SLC25A48: variants seen among roughly 807,000 people sequenced by gnomAD.
SLC25A48 encodes the protein CTC-321K16.1.
SLC25A48 carries 29 observed loss-of-function variants against 32.2 expected under a neutral mutation model. The ratio of observed to expected loss-of-function variants is 0.90; its 90% confidence interval spans 0.67 to 1.23. The LOEUF (loss-of-function observed/expected upper bound fraction) is 1.23, where lower values mean the gene tolerates loss of function less well. Among genes scored for constraint, SLC25A48 ranks in the 50% most tolerant of loss-of-function variants. The pLI is 0.00. For synonymous variants in SLC25A48, 164 were observed against 172.3 expected (o/e 0.95, Z 0.38); for missense variants, 399 against 422.7 (o/e 0.94, Z 0.49).
At chr5:135,734,734 G>A (rs1487066463) in intron 3 of SLC25A48, among the ~76,000 whole-genome samples, 2 of 151,236 alleles carry the variant, frequency 1.3e-5, no homozygotes, top group Non-Finnish European at 1.5e-5. Context: ...GGAGAGTGGC[G>A]TGAACCTGGG....
chr5:135,800,206 C>CT (rs1757287207), intron 3 of SLC25A48, among the ~76,000 whole-genome samples: 1 of 151,674 alleles, frequency 6.6e-6, no homozygotes, highest in Admixed American at 6.6e-5. Context: ...CTATCAATAT[C>CT]ACTGGGAGAG....
intron 1 of SLC25A48, among the ~76,000 whole-genome samples, chr5:135,628,961 A>G (rs1752500316): frequency 6.6e-6 from 1 of 152,208 alleles, no homozygotes; most frequent in African/African-American, 2.4e-5. Flanking sequence ...GAAGACAAGG[A>G]TATATGTCCA....
intron 3 of SLC25A48, among the ~76,000 whole-genome samples, chr5:135,795,762 C>T (rs538119608): frequency 6.8e-4 from 102 of 150,572 alleles, no homozygotes; most frequent in African/African-American, 2.4e-3. Flanking sequence ...GAGAGTGTGA[C>T]TGCTCTCCAT....
At chr5:135,653,846 A>G (rs1261794321) in intron 3 of SLC25A48, 2 of 456,208 alleles carry the variant, frequency 4.4e-6, no homozygotes, top group Non-Finnish European at 8.8e-6. Context: ...TCCAACCTCC[A>G]GGACTGAGTT....
intron 3 of SLC25A48, among the ~76,000 whole-genome samples, chr5:135,730,159 A>T (rs1057159985): frequency 1.3e-5 from 2 of 152,294 alleles, no homozygotes; most frequent in African/African-American, 4.8e-5. Flanking sequence ...TTTCTTTATG[A>T]CTATTCTCTA....
At chr5:135,744,641 T>C (rs1755596110) in intron 3 of SLC25A48, among the ~76,000 whole-genome samples, 1 of 151,898 alleles carries the variant, frequency 6.6e-6, no homozygotes, top group Non-Finnish European at 1.5e-5. Context: ...TTGGCCTGTC[T>C]CCATTTTTGA....
chr5:135,878,879 A>G (rs941108060), intron 6 of SLC25A48, among the ~76,000 whole-genome samples: 3 of 151,888 alleles, frequency 2.0e-5, no homozygotes, highest in Non-Finnish European at 2.9e-5. Context: ...CCTCCCCACA[A>G]TCCCCCTCTC....
chr5:135,682,123 G>T lies in SLC25A48; in HGVS notation c.-521+47167G>T, dbSNP rs191232482. Among the ~76,000 whole-genome samples, 7 of 152,294 alleles carry T rather than the reference G, an allele frequency of 4.6e-5. No individual in the cohort carries two copies. In the East Asian group the frequency reaches 1.4e-3, roughly 29 times the overall value. On this transcript the variant is annotated intron_variant, in intron 3 of 10. Coordinates refer to the SLC25A48 transcript ENST00000646290. ...GCCTCCCAAAATTCTTAACTTAGGA[G>T]AATTTATAGGCTCTGTTTGGATTCC...
intron 3 of SLC25A48, among the ~76,000 whole-genome samples, chr5:135,738,424 G>C (rs940149299): frequency 6.6e-6 from 1 of 152,214 alleles, no homozygotes; most frequent in African/African-American, 2.4e-5. Context: ...CCCTGGGCCC[G>C]TGTTTGCAGC....
intron 4 of SLC25A48, among the ~76,000 whole-genome samples, chr5:135,814,597 C>T (rs1757671024): frequency 6.6e-6 from 1 of 152,162 alleles, no homozygotes; most frequent in Non-Finnish European, 1.5e-5. Context: ...GCTTTTCCTG[C>T]AGAGTAGGGG....
At chr5:135,669,312 A>T (rs1045353566) in intron 3 of SLC25A48, among the ~76,000 whole-genome samples, 1 of 152,104 alleles carries the variant, frequency 6.6e-6, no homozygotes, top group Non-Finnish European at 1.5e-5. Context: ...GTGGGAAAGG[A>T]CACTTCTGGA....
intron 3 of SLC25A48, among the ~76,000 whole-genome samples, chr5:135,645,180 T>G (rs1000837768): frequency 1.3e-5 from 2 of 152,228 alleles, no homozygotes; most frequent in African/African-American, 4.8e-5. Flanking sequence ...TTCCCTTTGG[T>G]TGTTCACTTC....
chr5:135,768,181 T>G (rs1160510641), intron 3 of SLC25A48, among the ~76,000 whole-genome samples: 2 of 136,150 alleles, frequency 1.5e-5, no homozygotes, highest in Non-Finnish European at 1.6e-5. Flanking sequence ...GGGAGTAATA[T>G]CGCAGTGGAG....
chr5:135,625,279 C>T (rs907163346), intron 1 of SLC25A48, among the ~76,000 whole-genome samples: 13 of 152,244 alleles, frequency 8.5e-5, no homozygotes, highest in African/African-American at 2.9e-4. Flanking sequence ...AGAGGCTGCA[C>T]AGCACCAGAG....
chr5:135,789,199 C>G (rs930631700), intron 3 of SLC25A48, among the ~76,000 whole-genome samples: 2 of 34,468 alleles, frequency 5.8e-5, no homozygotes, highest in African/African-American at 1.1e-4. Context: ...GGTGTACACC[C>G]TCCCCCGCCA....
chr5:135,675,624 G>C (rs1454001225), intron 3 of SLC25A48, among the ~76,000 whole-genome samples: 1 of 152,110 alleles, frequency 6.6e-6, no homozygotes, highest in East Asian at 1.9e-4. Flanking sequence ...ATATTTTAAA[G>C]TCAGGTGATG....
intron 3 of SLC25A48, among the ~76,000 whole-genome samples, chr5:135,677,125 T>C (rs575371468): frequency 6.6e-6 from 1 of 152,162 alleles, no homozygotes; most frequent in Non-Finnish European, 1.5e-5. Context: ...TCTTTATGAA[T>C]CTGAATGCTC....
At chr5:135,664,692 A>G (rs189006242) in intron 3 of SLC25A48, among the ~76,000 whole-genome samples, 177 of 152,090 alleles carry the variant, frequency 1.2e-3, no homozygotes, top group African/African-American at 3.9e-3. Context: ...TTAATTTTCC[A>G]TTCCTGAGTG....
chr5:135,836,133 A>G (rs1306741307), intron 1 of SLC25A48, among the ~76,000 whole-genome samples: 1 of 152,172 alleles, frequency 6.6e-6, no homozygotes, highest in African/African-American at 2.4e-5. Context: ...TTCGGTAGGG[A>G]TGCAAATGGC....
Sources: allele counts gnomAD v4.1 joint callset (sites outside exome capture counted in the v4.1 genomes callset), GRCh38; gene constraint gnomAD v4.1.1; transcripts MANE v1.5; gene names NCBI Gene and HGNC (gene_info 2026-07-23, HGNC 2026-07-21).